ELMO1: variants seen among roughly 807,000 people sequenced by gnomAD.
ELMO1 encodes engulfment and cell motility 1, also known as engulfment and cell motility protein 1.
ELMO1 carries 26 observed loss-of-function variants against 98.9 expected under a neutral mutation model. That is an observed-to-expected ratio of 0.26 (90% CI 0.19 to 0.36). The LOEUF (loss-of-function observed/expected upper bound fraction) is 0.36. ELMO1 is among the 10% of genes least tolerant of loss of function. The pLI is 1.00. For synonymous variants in ELMO1, 346 were observed against 346.0 expected (o/e 1.00, Z 0.00); for missense variants, 627 against 935.2 (o/e 0.67, Z 4.30).
At chr7:37,396,951 A>C (rs1475511045) in intron 1 of ELMO1, among the ~76,000 whole-genome samples, 3 of 152,238 alleles carry the variant, frequency 2.0e-5, no homozygotes, top group Admixed American at 2.0e-4. Context: ...GCTTGCACTA[A>C]GAAAAAGAAC....
At chr7:36,887,759 G>T in intron 17 of ELMO1, 87 bp from the exon 18 acceptor site, 3 of 1,155,700 alleles carry the variant, frequency 2.6e-6, no homozygotes, top group Non-Finnish European at 3.8e-6. Context: ...GGGCAGGGGA[G>T]AACAAGTGCA....
intron 4 of ELMO1, among the ~76,000 whole-genome samples, chr7:37,292,181 C>A (rs1163591959): frequency 1.7e-5 from 2 of 117,820 alleles, no homozygotes; most frequent in African/African-American, 5.5e-5. Flanking sequence ...AGCTCCTAAC[C>A]GCGAGTGATC....
chr7:37,143,065 T>C (rs1787743486), intron 13 of ELMO1, among the ~76,000 whole-genome samples: 1 of 152,242 alleles, frequency 6.6e-6, no homozygotes, highest in South Asian at 2.1e-4. Flanking sequence ...TTTAAAGAAC[T>C]ACGTGACTAA....
chr7:36,863,455 A>G (rs1034123313), intron 20 of ELMO1, among the ~76,000 whole-genome samples: 1 of 152,234 alleles, frequency 6.6e-6, no homozygotes, highest in Non-Finnish European at 1.5e-5. Flanking sequence ...AAAAAAAATC[A>G]ATATGAAAAT....
At chr7:37,071,133 G>A (rs2129224655) in intron 15 of ELMO1, among the ~76,000 whole-genome samples, 1 of 152,258 alleles carries the variant, frequency 6.6e-6, no homozygotes, top group Non-Finnish European at 1.5e-5. Context: ...CATCAAAAAA[G>A]GGTAAGTTTT....
chr7:37,315,298 T>C (rs934672802), intron 3 of ELMO1, among the ~76,000 whole-genome samples: 1 of 152,240 alleles, frequency 6.6e-6, no homozygotes, highest in Non-Finnish European at 1.5e-5. Flanking sequence ...CACATTTTAA[T>C]TGTCTCTGTA....
At chr7:37,218,321 A>G (rs1793411463) in intron 10 of ELMO1, among the ~76,000 whole-genome samples, 1 of 152,256 alleles carries the variant, frequency 6.6e-6, no homozygotes, top group South Asian at 2.1e-4. Flanking sequence ...TGTTTACAAT[A>G]TTTATTGTCT....
chr7:37,058,045 A>G (rs945481773), intron 15 of ELMO1, among the ~76,000 whole-genome samples: 5 of 152,238 alleles, frequency 3.3e-5, no homozygotes, highest in African/African-American at 4.8e-5. Flanking sequence ...ACAAAGGGCA[A>G]CTTTACACAG....
intron 16 of ELMO1, among the ~76,000 whole-genome samples, chr7:36,987,328 C>T (rs1349644703): frequency 1.3e-5 from 2 of 152,142 alleles, no homozygotes; most frequent in East Asian, 3.9e-4. Flanking sequence ...CAGTGAATGG[C>T]TGCACATCCT....
intron 4 of ELMO1, among the ~76,000 whole-genome samples, chr7:37,292,797 T>G (rs1419963001): frequency 3.9e-5 from 3 of 77,860 alleles, no homozygotes; most frequent in Non-Finnish European, 5.6e-5. Flanking sequence ...GGTGGGGGGG[T>G]CAGCCCCCCG....
At chr7:37,213,641 T>C (rs1793113300) in intron 11 of ELMO1, among the ~76,000 whole-genome samples, 184 bp from the exon 12 acceptor site, 1 of 152,142 alleles carries the variant, frequency 6.6e-6, no homozygotes, top group Non-Finnish European at 1.5e-5. Flanking sequence ...GTTCCTGATC[T>C]TCAGGTCACA....
chr7:37,344,124 C>T (rs1800868742), intron 1 of ELMO1, among the ~76,000 whole-genome samples: 1 of 150,764 alleles, frequency 6.6e-6, no homozygotes, highest in Non-Finnish European at 1.5e-5. Flanking sequence ...CTCCACCTCC[C>T]GGGTTCAAGC....
At chr7:37,341,760 A>T (rs545160830) in intron 2 of ELMO1, among the ~76,000 whole-genome samples, 12 of 152,350 alleles carry the variant, frequency 7.9e-5, no homozygotes, top group African/African-American at 2.9e-4. Context: ...TAAAGATTGG[A>T]GTTGCCATGG....
intron 4 of ELMO1, among the ~76,000 whole-genome samples, chr7:37,309,624 C>T (rs1347046041): frequency 6.6e-6 from 1 of 152,210 alleles, no homozygotes; most frequent in East Asian, 1.9e-4. Flanking sequence ...TACAGCTTTC[C>T]TGGGCGTGAG....
At chr7:36,859,180 T>C (rs1435231337) in intron 21 of ELMO1, among the ~76,000 whole-genome samples, 3 of 152,148 alleles carry the variant, frequency 2.0e-5, no homozygotes, top group African/African-American at 4.8e-5. Flanking sequence ...TGGATCTTAT[T>C]TGCATTCTGA....
At chr7:37,393,510 G>T (rs529608692) in intron 1 of ELMO1, among the ~76,000 whole-genome samples, 79 of 152,266 alleles carry the variant, frequency 5.2e-4, no homozygotes, top group African/African-American at 1.7e-3. Context: ...GCTTTAAGCT[G>T]TTGTGTCTCT....
At chr7:36,969,715 G>T (rs570811484) in intron 16 of ELMO1, among the ~76,000 whole-genome samples, 1 of 152,286 alleles carries the variant, frequency 6.6e-6, no homozygotes, top group Admixed American at 6.5e-5. Flanking sequence ...AGTCTGGGAT[G>T]ATCCTGGGGC....
chr7:37,377,756 C>G lies in ELMO1; in HGVS notation c.-73-34993G>C, dbSNP rs368862409. 3.2e-4 allele frequency among the ~76,000 whole-genome samples: 48 copies of G among 152,260 alleles called. 1 individual carries two copies. Among genetic ancestry groups the G allele is most frequent in the African/African-American group, 1.1e-3 (45 of 41,562 alleles). ...AATTCAGCCACCATTGAACCCCCTC[C>G]TCCAAGGCTGTTTGCTATGTGGGAG... is the stretch of plus-strand genomic sequence containing the variant. On this transcript the variant is annotated intron_variant, in intron 1 of 21. Transcript: ENST00000310758.
intron 16 of ELMO1, among the ~76,000 whole-genome samples, chr7:36,983,984 A>G (rs964686626): frequency 2.1e-5 from 3 of 142,162 alleles, no homozygotes; most frequent in Admixed American, 2.1e-4. Context: ...TTTTTTTTGT[A>G]AACATTTTTT....
Sources: gnomAD v4.1 joint callset for allele counts (sites outside exome capture counted in the v4.1 genomes callset) on GRCh38, gnomAD v4.1.1 for gene constraint, MANE v1.5 for transcripts, NCBI Gene and HGNC (gene_info 2026-07-23, HGNC 2026-07-21) for gene names.